The following EPHA3 variants were observed in gnomAD, a reference collection of about 807,000 sequenced individuals.
EPHA3 encodes EPH receptor A3.
EPHA3 carries 42 observed loss-of-function variants against 107.1 expected under a neutral mutation model. The observed-to-expected ratio is 0.39, with a 90% CI of 0.31 to 0.51. The LOEUF is 0.51. Ranked by LOEUF, EPHA3 falls within the 20% of genes least tolerant of loss-of-function variation. EPHA3 has a pLI of 0.78. For missense variants in EPHA3, 1,183 were observed against 1,211.2 expected (o/e 0.98, Z 0.35); for synonymous variants, 461 against 424.8 (o/e 1.09, Z -1.05).
chr3:89,455,566 A>G (rs1436408418), intron 15 of EPHA3, among the ~76,000 whole-genome samples: 2 of 152,220 alleles, frequency 1.3e-5, no homozygotes, highest in African/African-American at 4.8e-5. Context: ...GATTTGATTT[A>G]TATGACTGCT....
intron 1 of EPHA3, among the ~76,000 whole-genome samples, chr3:89,123,344 T>C (rs1466460304): frequency 1.3e-5 from 2 of 152,312 alleles, no homozygotes; most frequent in East Asian, 3.9e-4. Context: ...GTTTTCGCCA[T>C]GTTGGCCAGG....
chr3:89,453,537 T>C (rs1462564023), intron 15 of EPHA3, among the ~76,000 whole-genome samples: 1 of 152,182 alleles, frequency 6.6e-6, no homozygotes. Context: ...ACCATCTCAA[T>C]GTACAGAATA....
At chr3:89,344,322 C>T (rs1327203646) in intron 5 of EPHA3, among the ~76,000 whole-genome samples, 1 of 152,098 alleles carries the variant, frequency 6.6e-6, no homozygotes, top group African/African-American at 2.4e-5. Flanking sequence ...CTTTGGCCCT[C>T]CCAGTTACAA....
chr3:89,404,970 A>G (rs1709030076), intron 7 of EPHA3, among the ~76,000 whole-genome samples: 2 of 152,184 alleles, frequency 1.3e-5, no homozygotes, highest in Non-Finnish European at 2.9e-5. Flanking sequence ...CTATTTCACA[A>G]ATCATTCACA....
At chr3:89,332,239 C>A (rs555897295) in intron 3 of EPHA3, among the ~76,000 whole-genome samples, 3 of 152,302 alleles carry the variant, frequency 2.0e-5, no homozygotes, top group East Asian at 3.9e-4. Flanking sequence ...AAAACACCAC[C>A]ATCCTCAGGA....
At chr3:89,453,538 G>A (rs1710037038) in intron 15 of EPHA3, among the ~76,000 whole-genome samples, 1 of 151,978 alleles carries the variant, frequency 6.6e-6, no homozygotes, top group Non-Finnish European at 1.5e-5. Flanking sequence ...CCATCTCAAT[G>A]TACAGAATAT....
rs147138606 is a variant in EPHA3, at chr3:89,466,873, A to G, written c.2691-5591A>G. Among the ~76,000 whole-genome samples the G allele has an allele frequency of 1.4e-3, 216 of 150,904 alleles. 2 individuals are homozygous for G. Among genetic ancestry groups the G allele is most frequent in the African/African-American group, 4.9e-3 (203 of 41,162 alleles). ...TCCTCCCTCCTGTCTCTCTTTTTTA[A>G]TCTTAAAATCAAAACAGCTAATTTT... On this transcript the variant is annotated intron_variant, in intron 15 of 16. Coordinates refer to ENST00000336596, the MANE Select transcript of EPHA3 (RefSeq NM_005233.6).
intron 5 of EPHA3, among the ~76,000 whole-genome samples, chr3:89,363,550 A>G (rs1708136183): frequency 6.6e-6 from 1 of 150,892 alleles, no homozygotes; most frequent in African/African-American, 2.4e-5. Context: ...AAGTGTGCCG[A>G]TTTAAATGTT....
At chr3:89,324,188 G>C (rs1430788589) in intron 3 of EPHA3, among the ~76,000 whole-genome samples, 1 of 131,428 alleles carries the variant, frequency 7.6e-6, no homozygotes, top group Non-Finnish European at 1.6e-5. Flanking sequence ...TAATTTTTGA[G>C]ACAACATCTC....
chr3:89,120,228 A>T (rs1317963437), intron 1 of EPHA3, among the ~76,000 whole-genome samples: 5 of 152,202 alleles, frequency 3.3e-5, no homozygotes, highest in Admixed American at 3.3e-4. Context: ...GTAAACAATC[A>T]TTCTATTACT....
chr3:89,121,984 G>C (rs1018415283), intron 1 of EPHA3, among the ~76,000 whole-genome samples: 6 of 152,058 alleles, frequency 3.9e-5, no homozygotes, highest in African/African-American at 1.4e-4. Flanking sequence ...AATATAGGTC[G>C]ATTTCTTAAT....
chr3:89,397,445 G>A (rs2107505894), intron 6 of EPHA3, among the ~76,000 whole-genome samples: 2 of 152,186 alleles, frequency 1.3e-5, no homozygotes, highest in South Asian at 4.1e-4. Flanking sequence ...TTCAGGACTG[G>A]GAGAAGAACA....
chr3:89,288,565 C>G (rs879438734), intron 3 of EPHA3, among the ~76,000 whole-genome samples: 5 of 151,956 alleles, frequency 3.3e-5, no homozygotes, highest in African/African-American at 1.2e-4. Flanking sequence ...ATAGAGATAC[C>G]GACTTGAACC....
intron 3 of EPHA3, among the ~76,000 whole-genome samples, chr3:89,262,963 CTTTTTTTTTTTT>C (rs532365863): frequency 4.1e-5 from 4 of 97,486 alleles, no homozygotes; most frequent in Non-Finnish European, 4.1e-5. Context: ...TTACAGCGCT[CTTTTTTTTTTTT>C]TTTTTTTTTT....
intron 3 of EPHA3, among the ~76,000 whole-genome samples, chr3:89,219,866 G>A (rs1357774815): frequency 5.4e-5 from 8 of 147,850 alleles, no homozygotes; most frequent in Non-Finnish European, 9.0e-5. Flanking sequence ...CCGCCACTAC[G>A]CCCGGCTAAT....
rs761576191 is a variant in EPHA3 at position 89,210,464 on chromosome 3, C to A, written c.758C>A (p.Pro253His). 2 of 1,593,108 alleles carry A rather than the reference C, an allele frequency of 1.3e-6. No homozygotes were observed. Among genetic ancestry groups the A allele is most frequent in the South Asian group, 1.2e-5 (1 of 86,924 alleles). Residue 253 changes from proline to histidine, a missense_variant, in exon 3 of 17, where the codon CCC becomes CAC. Coordinates refer to ENST00000336596, the MANE Select transcript of EPHA3 (RefSeq NM_005233.6). ...YCSTEGEWLV[P>H]IGKCSCNAGY... ...AGTACAGAAGGCGAATGGCTTGTACCCATTGGCAAGTGTTCCTGCAATGCT... is the reference window on the plus strand; with the variant it reads ...AGTACAGAAGGCGAATGGCTTGTACACATTGGCAAGTGTTCCTGCAATGCT...
chr3:89,383,078 T>G (rs138158027), intron 5 of EPHA3, among the ~76,000 whole-genome samples: 2,428 of 152,310 alleles, frequency 0.016, 65 homozygotes, highest in African/African-American at 0.055. Context: ...ATTCATAAAT[T>G]TGAAAGTTAA....
intron 15 of EPHA3, among the ~76,000 whole-genome samples, chr3:89,456,303 G>C (rs1710096413): frequency 6.6e-6 from 1 of 152,126 alleles, no homozygotes; most frequent in Admixed American, 6.6e-5. Flanking sequence ...TTTCTGAATG[G>C]TGTAGTTATT....
chr3:89,339,869 G>C (rs1707478292), intron 3 of EPHA3, among the ~76,000 whole-genome samples: 1 of 152,088 alleles, frequency 6.6e-6, no homozygotes, highest in African/African-American at 2.4e-5. Context: ...CACTGAAATT[G>C]AGCTTTAGAA....
Sources: gnomAD v4.1 joint callset for allele counts (sites outside exome capture counted in the v4.1 genomes callset) on GRCh38, gnomAD v4.1.1 for gene constraint, MANE v1.5 for transcripts, NCBI Gene and HGNC (gene_info 2026-07-23, HGNC 2026-07-21) for gene names.